Variants in STXBP2 observed in about 807,000 individuals in gnomAD.
STXBP2 encodes syntaxin binding protein 2, also known as syntaxin-binding protein 2.
In STXBP2, 47 loss-of-function variants were observed where a neutral mutation model predicts 72.2. The observed-to-expected ratio is 0.65, with a 90% confidence interval of 0.51 to 0.83. STXBP2 has a LOEUF of 0.83. STXBP2 is among the 40% of genes least tolerant of loss of function. The pLI is 0.00. For synonymous variants in STXBP2, 367 were observed against 338.7 expected (o/e 1.08, Z -0.92); for missense variants, 702 against 807.6 (o/e 0.87, Z 1.58).
At position 7,644,652 on chromosome 19, in the gene STXBP2, C is replaced by A. The variant is rs776848436; in HGVS notation, c.1146C>A (p.Ile382=). 6.2e-7 allele frequency: 1 copy of A among 1,613,484 alleles called. No individual in the cohort carries two copies. The highest frequency in any genetic ancestry group is 2.2e-5 in the East Asian group (1 of 44,888). Residue 382 remains isoleucine (I), a synonymous_variant, in exon 14 of 19, where the codon ATC becomes ATA. Coordinates refer to ENST00000221283, the MANE Select transcript of STXBP2 (RefSeq NM_006949.4). ...AMGSDAEGEK[I]KDSMKLIVPV... Reference sequence around the variant, plus strand: ...GCTCCGACGCAGAGGGGGAGAAGATCAAGGACTCCATGAAGCTGATCGTTC... The same window carrying A: ...GCTCCGACGCAGAGGGGGAGAAGATAAAGGACTCCATGAAGCTGATCGTTC...
chr19:7,641,229 G>A (rs956999300), intron 6 of STXBP2: 23 of 592,548 alleles, frequency 3.9e-5, no homozygotes, highest in Admixed American at 9.8e-5. Context: ...AATTAGCTTG[G>A]CGTGGTGGCG....
At chr19:7,630,699 T>C in the STXBP2 span, 3 of 1,531,152 alleles carry the variant, frequency 2.0e-6, no homozygotes, top group Non-Finnish European at 2.6e-6. Flanking sequence ...ATTCCAGGGG[T>C]GGGAGAGGGT....
chr19:7,646,408 C>T (rs2032141232), intron 16 of STXBP2, 64 bp downstream of exon 16: 1 of 1,410,136 alleles, frequency 7.1e-7, no homozygotes, highest in Admixed American at 2.0e-5. Flanking sequence ...CAGCCTCCCT[C>T]CTGCTGAGGT....
chr19:7,645,928 C>G (rs1389593035), intron 15 of STXBP2: 4 of 474,460 alleles, frequency 8.4e-6, no homozygotes, highest in Non-Finnish European at 1.5e-5. Flanking sequence ...CTTCCTCTCT[C>G]TGTTTCCTGC....
Position 7,644,760 on chromosome 19 carries a change from G to A in STXBP2, c.1246+8G>A, listed in dbSNP as rs371596126. 2.2e-5 allele frequency: 36 copies of A among 1,613,448 alleles called. No homozygotes were observed. In the African/African-American group the frequency reaches 4.3e-4, roughly 19 times the overall value. On this transcript the variant is annotated splice_region_variant and intron_variant, in intron 14 of 18. Coordinates refer to ENST00000221283, the MANE Select transcript of STXBP2 (RefSeq NM_006949.4). The stretch of plus-strand genomic sequence containing the variant: ...ACATCCTCCTTCGGAATGGTGGGTG[G>A]GGGCTGCAGGGAGTTGGAACGTCCC...
chr19:7,631,105 G>T, the STXBP2 span: 2 of 757,492 alleles, frequency 2.6e-6, no homozygotes, highest in South Asian at 3.8e-5. Flanking sequence ...CTGCTTGGGA[G>T]GCTGAGGGAG....
Position 7,642,536 on chromosome 19 carries a change from A to C in STXBP2, c.902A>C (p.Lys301Thr), listed in dbSNP as rs1182355727. 1.5e-5 allele frequency: 25 copies of C among 1,613,836 alleles called. No homozygotes were observed. Among genetic ancestry groups the C allele is most frequent in the Non-Finnish European group, 2.1e-5 (25 of 1,179,920 alleles). ...CACATGCATATCGCAGATGTGTCCA[A>C]GTGCGTGCACACGGGGACCGGATCC... ...LRHMHIADVS[K>T]KVTELLRTFC... Residue 301 changes from lysine to threonine, a missense_variant and splice_region_variant, in exon 10 of 19, where the codon AAG becomes ACG. By Grantham distance (78) the Lys-to-Thr change is moderately conservative. Transcript: ENST00000221283. This position sits in a 1 kb window ranked among gnomAD's most constrained non-coding sequence, Gnocchi z 6.0.
upstream of STXBP2, among the ~76,000 whole-genome samples, chr19:7,634,197 A>G (rs2146198696): frequency 6.6e-6 from 1 of 152,316 alleles, no homozygotes; most frequent in Middle Eastern, 3.4e-3. Context: ...CCCTGGGGAC[A>G]GAGGCAGGCG....
chr19:7,640,596 T>C (rs748239950), intron 4 of STXBP2, 135 bp from the exon 5 acceptor site: 2 of 1,137,456 alleles, frequency 1.8e-6, no homozygotes, highest in Non-Finnish European at 2.6e-6. Flanking sequence ...GACACTAGTG[T>C]GCATTTGCAC....
At chr19:7,630,936 G>T in the STXBP2 span, 2 of 1,469,134 alleles carry the variant, frequency 1.4e-6, no homozygotes, top group African/African-American at 1.4e-5. Context: ...TAGGCCAGGC[G>T]CAGTGGCTCA....
chr19:7,645,414 G>A (rs1277659672), intron 15 of STXBP2, 108 bp downstream of exon 15: 17 of 1,143,470 alleles, frequency 1.5e-5, no homozygotes, highest in Admixed American at 6.4e-5. Flanking sequence ...GGTTCCTGGC[G>A]TGGTGTGGTT....
At chr19:7,636,995 T>A, upstream of STXBP2, 15 of 816,314 alleles carry the variant, frequency 1.8e-5, no homozygotes, top group East Asian at 3.8e-5. Flanking sequence ...GGGACTCAAC[T>A]TCCTGGGCCT....
chr19:7,638,368 G>A (rs976713433), intron 1 of STXBP2, among the ~76,000 whole-genome samples: 1 of 152,176 alleles, frequency 6.6e-6, no homozygotes, highest in Admixed American at 6.5e-5. Flanking sequence ...TTGGGAGGCC[G>A]AGGCAGGAGG....
At chr19:7,637,247 C>A (rs532390200) in intron 1 of STXBP2, 61 bp downstream of exon 1, 31 of 1,081,198 alleles carry the variant, frequency 2.9e-5, no homozygotes, top group Admixed American at 5.4e-5. Context: ...CGGGGACGCA[C>A]GGGCTCTGGG....
At chr19:7,632,455 G>A (rs1284065408), upstream of STXBP2, 10 of 1,613,728 alleles carry the variant, frequency 6.2e-6, no homozygotes, top group Non-Finnish European at 8.5e-6. This position sits in a 1 kb window ranked among gnomAD's most constrained non-coding sequence, Gnocchi z 5.2. Context: ...TCATCCATGC[G>A]GCGGCCCTGG....
intron 6 of STXBP2, chr19:7,641,264 T>C: frequency 1.9e-6 from 1 of 536,244 alleles, no homozygotes; most frequent in African/African-American, 1.9e-5. Context: ...TAGCTACTCA[T>C]GGGGCTGGGG....
At position 7,645,239 on chromosome 19, in the gene STXBP2, A is replaced by G. The variant is rs759426286; in HGVS notation, c.1289A>G (p.Asn430Ser). The change falls in exon 15 of 19, where the codon AAT becomes AGT. Residue 430 changes from asparagine to serine, a missense_variant. Coordinates refer to ENST00000221283, the MANE Select transcript of STXBP2 (RefSeq NM_006949.4). ...ENLAKLIQHA[N>S]VQAHSSLIRN... Reference sequence around the variant, plus strand: ...CTGGCCAAGCTGATCCAGCATGCCAATGTACAGGCGCACAGCAGCCTCATC... The same window carrying G: ...CTGGCCAAGCTGATCCAGCATGCCAGTGTACAGGCGCACAGCAGCCTCATC... 1.3e-6 allele frequency: 2 copies of G among 1,579,112 alleles called. No individual in the cohort carries two copies. Among genetic ancestry groups the G allele is most frequent in the East Asian group, 2.3e-5 (1 of 43,204 alleles).
intron 15 of STXBP2, chr19:7,646,008 C>T (rs996265713): frequency 1.2e-4 from 69 of 584,110 alleles, no homozygotes; most frequent in Admixed American, 5.1e-4. Context: ...CCTATCTCTG[C>T]CTCTGTCTTT....
upstream of STXBP2, chr19:7,633,340 C>CCAAT: frequency 6.9e-7 from 1 of 1,452,392 alleles, no homozygotes; most frequent in Non-Finnish European, 9.4e-7. Flanking sequence ...GCCCTACAAA[C>CCAAT]TAGTCTTGTC....
Sources: allele counts gnomAD v4.1 joint callset (sites outside exome capture counted in the v4.1 genomes callset), GRCh38; gene constraint gnomAD v4.1.1; non-coding constraint Gnocchi (gnomAD v3.1); transcripts MANE v1.5; gene names NCBI Gene and HGNC (gene_info 2026-07-23, HGNC 2026-07-21).